The following KRI1 variants were observed in gnomAD, a reference collection of about 807,000 sequenced individuals.
KRI1 encodes the protein protein KRI1 homolog.
In KRI1, 83 loss-of-function variants were observed where a neutral mutation model predicts 97.0. The ratio of observed to expected loss-of-function variants is 0.86; its 90% CI spans 0.72 to 1.03. The LOEUF (loss-of-function observed/expected upper bound fraction) is 1.03, where lower values mean the gene tolerates loss of function less well. Ranked by LOEUF, KRI1 falls within the 50% of genes least tolerant of loss-of-function variation. The pLI, the probability that KRI1 is intolerant of heterozygous loss-of-function variation, is 0.00. For synonymous variants in KRI1, 371 were observed against 363.5 expected, an observed-to-expected ratio of 1.02 and a Z score of -0.23; for missense variants, 916 against 928.4, an observed-to-expected ratio of 0.99 and a Z score of 0.17.
Position 10,565,906 on chromosome 19 carries a change from G to A in KRI1, c.94C>T (p.Leu32=), listed in dbSNP as rs1916860052. Reference sequence around the variant, plus strand: ...CCGCGCGCATGCGCCCCGCACTCACGCCGCTGCAGTTCCTCGCGCTCCCGG... The same window carrying A: ...CCGCGCGCATGCGCCCCGCACTCACACCGCTGCAGTTCCTCGCGCTCCCGG... ...RYREREELQR[L]KDRYGDRDSS... Residue 32 remains leucine (L), a splice_region_variant and synonymous_variant, in exon 1 of 19, where the codon CTG becomes TTG. Coordinates refer to ENST00000312962, the MANE Select transcript of KRI1 (RefSeq NM_023008.5). The A allele has an allele frequency of 3.9e-6, 6 of 1,531,818 alleles. No individual in the cohort carries two copies. Among genetic ancestry groups the A allele is most frequent in the Non-Finnish European group, 5.3e-6 (6 of 1,139,118 alleles). 94.9% of individuals were successfully genotyped at this position (1,531,818 alleles called of 1,614,324 possible). A position where few individuals can be genotyped will look rare whatever the true frequency, so the allele number is the denominator to read the frequency against.
Position 10,561,054 on chromosome 19 carries a change from C to A in KRI1, c.612G>T (p.Glu204Asp), listed in dbSNP as rs1916680998. 6.2e-7 allele frequency: 1 copy of A among 1,614,088 alleles called. No individual in the cohort carries two copies. Among genetic ancestry groups the A allele is most frequent in the Non-Finnish European group, 8.5e-7 (1 of 1,180,050 alleles). ...EKAQEEADYI[E>D]WLKGQKEIRN... is the part of the protein sequence containing the mutation. Reference sequence around the variant, plus strand: ...GAATCTCTTTCTGTCCCTTCAGCCACTCGATGTAGTCGGCCTCCTCCTGGG... The same window carrying A: ...GAATCTCTTTCTGTCCCTTCAGCCAATCGATGTAGTCGGCCTCCTCCTGGG... The change falls in exon 8 of 19, where the codon GAG becomes GAT. Residue 204 changes from glutamate (E) to aspartate (D), a missense_variant. Coordinates refer to ENST00000312962, the MANE Select transcript of KRI1 (RefSeq NM_023008.5).
chr19:10,555,056 C>T (rs1916455231), intron 18 of KRI1, 31 bp downstream of exon 18: 12 of 1,576,526 alleles, frequency 7.6e-6, no homozygotes, highest in Non-Finnish European at 9.6e-6. Flanking sequence ...ACAGGCTCCC[C>T]ACCCACGCTT....
chr19:10,565,820 C>CCG (rs61702518), intron 1 of KRI1, 30 bp from the exon 2 acceptor site: 3 of 1,551,470 alleles, frequency 1.9e-6, no homozygotes, highest in Admixed American at 3.8e-5. Context: ...TGCCCCCCCC[C>CCG]AGGTCAGCCG....
rs745638378 is a variant in KRI1 at position 10,557,553 on chromosome 19, T to A, written c.1616A>T (p.Glu539Val). ...TCCCTGCCTGCCCGGGGCCCCTACC[T>A]CCTCAGTGCTGAGGCCAAAGTCACA... The part of the protein sequence containing the change: ...VPCDFGLSTE[E>V]ILAADDKELN... The change falls in exon 16 of 19, where the codon GAG (glutamate) becomes GTG (valine). Residue 539 changes from glutamate (E) to valine (V), a missense_variant and splice_region_variant. Transcript: ENST00000312962. The A allele has an allele frequency of 6.2e-7, 1 of 1,612,398 alleles. No individual in the cohort carries two copies. Among genetic ancestry groups the A allele is most frequent in the East Asian group, 2.2e-5 (1 of 44,828 alleles).
Position 10,553,125 on chromosome 19 carries a change from G to A in KRI1, c.*826C>T, listed in dbSNP as rs138151466. 47 of 1,502,406 alleles carry A rather than the reference G, an allele frequency of 3.1e-5. No individual in the cohort carries two copies. The highest frequency in any genetic ancestry group is 1.3e-4 in the South Asian group (10 of 79,162). 93.1% of individuals were successfully genotyped at this position (1,502,406 alleles called of 1,614,324 possible). ...TTTATTTTTTTATTTATGTCATGTC[G>A]GGTGTGGGATCTTGAGCTCTGGCAG... On this transcript the variant is annotated 3_prime_UTR_variant, in exon 19 of 19. Transcript: ENST00000312962.
intron 12 of KRI1, 35 bp downstream of exon 12, chr19:10,559,324 C>A: frequency 6.3e-7 from 1 of 1,599,732 alleles, no homozygotes; most frequent in Non-Finnish European, 8.5e-7. Context: ...TTTGTGTGAA[C>A]TCAGCGTCAT....
In KRI1 at chr19:10,554,324, C is replaced by CA. The variant is rs774122376; in HGVS notation, c.1782-44dup. 13 of 1,547,640 alleles carry CA rather than the reference C, an allele frequency of 8.4e-6. No individual in the cohort carries two copies. In the East Asian group the frequency reaches 2.9e-4, roughly 35 times the overall value. ...GGGCTCAGCCCAGGCCTGTCAAGAT[C>CA]AGGCCCATTCTTGAGCACGCATGCC... is the stretch of plus-strand genomic sequence containing the variant. On this transcript the variant is annotated intron_variant, in intron 18 of 18. Coordinates refer to ENST00000312962, the MANE Select transcript of KRI1 (RefSeq NM_023008.5).
At chr19:10,560,223 G>A in intron 9 of KRI1, 89 bp downstream of exon 9, 1 of 1,470,746 alleles carries the variant, frequency 6.8e-7, no homozygotes, top group Non-Finnish European at 9.0e-7. Flanking sequence ...ATACACACAT[G>A]GTGCCCTCTG....
In KRI1 at chr19:10,558,086, G is replaced by A. The variant is rs201786476; in HGVS notation, c.1271-26C>T. Reference sequence around the variant, plus strand: ...CTGGATGCAGGGAGAACAGACAGGTGGGGCCAGGGTGGGACCTTGGGCTTC... The same window carrying A: ...CTGGATGCAGGGAGAACAGACAGGTAGGGCCAGGGTGGGACCTTGGGCTTC... On this transcript the variant is annotated intron_variant, in intron 13 of 18. Coordinates refer to ENST00000312962, the MANE Select transcript of KRI1 (RefSeq NM_023008.5). The A allele has an allele frequency of 5.5e-4, 891 of 1,613,974 alleles. 1 individual carries two copies. Among genetic ancestry groups the A allele is most frequent in the Admixed American group, 9.5e-4 (57 of 60,006 alleles).
In KRI1 at chr19:10,558,015, T is replaced by C; in HGVS notation, c.1316A>G (p.Asp439Gly). 1 of 1,614,010 alleles carries C rather than the reference T, an allele frequency of 6.2e-7. No individual in the cohort carries two copies. The highest frequency in any genetic ancestry group is 8.5e-7 in the Non-Finnish European group (1 of 1,179,990). ...ACAGTGCAGCTCCTGCTGGCTCCAG[T>C]CTCCCTCCTGCTCAGGCCCGTCCCA... ...DTWDGPEQEGDWSQQELHCED... is the reference protein window; with the variant it reads ...DTWDGPEQEGGWSQQELHCED... Residue 439 changes from aspartate to glycine, a missense_variant, in exon 14 of 19, where the codon GAC (aspartate) becomes GGC (glycine). Physicochemically the swap from Asp to Gly is moderately conservative, Grantham distance 94. This residue lies in a region of KRI1 where 672 missense variants were observed against 667.2 expected (regional missense o/e 1.01). Transcript: ENST00000312962.
chr19:10,559,317 G>C, intron 12 of KRI1, 42 bp downstream of exon 12: 2 of 1,594,692 alleles, frequency 1.3e-6, no homozygotes, highest in Non-Finnish European at 8.6e-7. Flanking sequence ...AGCCATGTTT[G>C]TGTGAACTCA....
intron 2 of KRI1, 103 bp from the exon 3 acceptor site, chr19:10,565,137 G>A: frequency 1.3e-6 from 1 of 780,162 alleles, no homozygotes; most frequent in Admixed American, 2.2e-5. Context: ...GAGGGGGGTG[G>A]ATCTGGCTGG....
chr19:10,560,451 G>C lies in KRI1; in HGVS notation c.664-3C>G. 3 of 1,603,402 alleles carry C rather than the reference G, an allele frequency of 1.9e-6. No homozygotes were observed. The highest frequency in any genetic ancestry group is 2.6e-6 in the Non-Finnish European group (3 of 1,173,608). On this transcript the variant is annotated splice_polypyrimidine_tract_variant and splice_region_variant and intron_variant, in intron 8 of 18. Coordinates refer to ENST00000312962, the MANE Select transcript of KRI1 (RefSeq NM_023008.5). ...TTCCAGTATTCCTTGAGATGCGTCT[G>C]GGGGTGACAGGAGACAGGACTCTGG...
At position 10,559,725 on chromosome 19, in the gene KRI1, A is replaced by G. The variant is rs1364159641; in HGVS notation, c.928-17T>C. 1 of 1,614,002 alleles carries G rather than the reference A, an allele frequency of 6.2e-7. No homozygotes were observed. The highest frequency in any genetic ancestry group is 8.5e-7 in the Non-Finnish European group (1 of 1,180,012). On this transcript the variant is annotated splice_polypyrimidine_tract_variant and intron_variant, in intron 10 of 18. Transcript: ENST00000312962. ...GGTCTTGACCTAGGCGCAATCAGAA[A>G]AGCCCACAAGGGCCGCAGAGATGAT...
rs1438343400 is a variant in KRI1 at position 10,565,297 on chromosome 19, G to A, written c.169-263C>T. The A allele has an allele frequency of 7.1e-6, 4 of 560,734 alleles. No homozygotes were observed. The East Asian group carries it at 9.2e-5, about 13-fold the overall frequency. 34.7% of individuals were successfully genotyped at this position (560,734 alleles called of 1,614,324 possible). On this transcript the variant is annotated intron_variant, in intron 2 of 18. Transcript: ENST00000312962. ...TGGGGAAGACAAAGACTTGACAAGGGGCAGGTGGGCTGAGGGCACAAGAGA... is the reference window on the plus strand; with the variant it reads ...TGGGGAAGACAAAGACTTGACAAGGAGCAGGTGGGCTGAGGGCACAAGAGA...
At position 10,557,877 on chromosome 19, in the gene KRI1, G is replaced by A. The variant is rs763393906; in HGVS notation, c.1378C>T (p.Pro460Ser). The A allele has an allele frequency of 1.2e-6, 2 of 1,613,410 alleles. No homozygotes were observed. The highest frequency in any genetic ancestry group is 1.7e-5 in the Admixed American group (1 of 59,980). ...PNFNMDADYD[P>S]SQPRKKKREA... is the part of the protein sequence containing the mutation. Reference sequence around the variant, plus strand: ...CGCTTTTTCTTCCTCGGCTGGCTGGGGTCGTAGTCGGCGTCCATCTGCCAG... The same window carrying A: ...CGCTTTTTCTTCCTCGGCTGGCTGGAGTCGTAGTCGGCGTCCATCTGCCAG... The change falls in exon 15 of 19, where the codon CCC becomes TCC. Residue 460 changes from proline to serine, a missense_variant. Physicochemically the swap from Pro to Ser is moderately conservative, Grantham distance 74. Transcript: ENST00000312962.
At position 10,555,277 on chromosome 19, in the gene KRI1, C is replaced by T. The variant is rs1427876603; in HGVS notation, c.1682+8G>A. 1.2e-6 allele frequency: 1 copy of T among 864,096 alleles called. No individual in the cohort carries two copies. The highest frequency in any genetic ancestry group is 1.9e-5 in the South Asian group (1 of 51,638). 53.5% of individuals were successfully genotyped at this position (864,096 alleles called of 1,614,324 possible). ...CGCATGTGGCCCCGCCGCGCCCCGCCCCATCACCTGTACATGCAGGTCTTC... is the reference window on the plus strand; with the variant it reads ...CGCATGTGGCCCCGCCGCGCCCCGCTCCATCACCTGTACATGCAGGTCTTC... On this transcript the variant is annotated splice_region_variant and intron_variant, in intron 17 of 18. Transcript: ENST00000312962.
At position 10,557,597 on chromosome 19, in the gene KRI1, C is replaced by G; in HGVS notation, c.1572G>C (p.Lys524Asn). Residue 524 changes from lysine to asparagine, a missense_variant, in exon 16 of 19, where the codon AAG (lysine) becomes AAC (asparagine). Coordinates refer to ENST00000312962, the MANE Select transcript of KRI1 (RefSeq NM_023008.5). ...DIIDDLPCRFKYRTVVPCDFG... is the reference protein window; with the variant it reads ...DIIDDLPCRFNYRTVVPCDFG... ...AGTCACAGGGCACCACTGTGCGGTACTTGAAGCGACAGGGCAGGTCGTCGA... is the reference window on the plus strand; with the variant it reads ...AGTCACAGGGCACCACTGTGCGGTAGTTGAAGCGACAGGGCAGGTCGTCGA... 1 of 1,614,196 alleles carries G rather than the reference C, an allele frequency of 6.2e-7. No individual in the cohort carries two copies. Among genetic ancestry groups the G allele is most frequent in the Non-Finnish European group, 8.5e-7 (1 of 1,180,022 alleles).
intron 4 of KRI1, 104 bp from the exon 5 acceptor site, chr19:10,561,949 G>A (rs937682258): frequency 1.1e-5 from 11 of 962,956 alleles, no homozygotes; most frequent in Admixed American, 3.7e-5. Flanking sequence ...GGGGGTCATC[G>A]GAGGGCTATG....
Sources: gnomAD v4.1 joint callset for allele counts on GRCh38, gnomAD v4.1.1 for gene constraint, gnomAD v4.1.1 regional missense constraint, MANE v1.5 for transcripts, NCBI Gene and HGNC (gene_info 2026-07-23, HGNC 2026-07-21) for gene names.